The following COL6A1 variants were observed in gnomAD, a reference collection of about 807,000 sequenced individuals.
COL6A1 encodes collagen alpha-1(VI) chain.
Under a neutral mutation model 145.6 loss-of-function variants are expected in COL6A1, and 80 were observed. That is an observed-to-expected ratio of 0.55 (90% CI 0.46 to 0.66). COL6A1 has a LOEUF of 0.66. COL6A1 is among the 30% of genes least tolerant of loss of function. The pLI, the probability that COL6A1 is intolerant of heterozygous loss-of-function variation, is 0.00. For synonymous variants in COL6A1, 638 were observed against 622.8 expected (o/e 1.02, Z -0.36); for missense variants, 1,364 against 1,473.8 (o/e 0.93, Z 1.22).
chr21:45,987,749 G>A (rs1190004771), intron 8 of COL6A1, 95 bp downstream of exon 8: 1 of 1,378,384 alleles, frequency 7.3e-7, no homozygotes, highest in African/African-American at 1.4e-5. Context: ...CCACCATGAG[G>A]ATCCAGAGGG....
At chr21:45,986,750 GCAGC>G in intron 4 of COL6A1, 65 bp downstream of exon 4, 3 of 1,530,040 alleles carry the variant, frequency 2.0e-6, no homozygotes, top group Non-Finnish European at 2.6e-6. Context: ...AAGGCCCCCG[GCAGC>G]TGGGACCGTC....
At position 45,990,232 on chromosome 21, in the gene COL6A1, C is replaced by G. The variant is rs373930345; in HGVS notation, c.931-26C>G. The stretch of plus-strand genomic sequence containing the variant: ...CTGCCCTCCCCACCCCAAATACCCC[C>G]TCACACCCGCTTCCTGTCTCCGCAG... On this transcript the variant is annotated intron_variant, in intron 11 of 34. Coordinates refer to ENST00000361866, the MANE Select transcript of COL6A1 (RefSeq NM_001848.3). 5.0e-6 allele frequency: 8 copies of G among 1,612,842 alleles called. No homozygotes were observed. The South Asian group carries it at 8.8e-5, about 18-fold the overall frequency.
chr21:45,997,483 G>A lies in COL6A1; in HGVS notation c.1461G>A (p.Glu487=), dbSNP rs1474176856. Residue 487 remains glutamate, a splice_region_variant and synonymous_variant, in exon 21 of 35, where the codon GAG becomes GAA. Transcript: ENST00000361866. ...YRGDEGPPGS[E]GARGAPGPAG... is the part of the protein sequence containing the mutation. ...GCGATGAGGGTCCCCCAGGGTCCGA[G>A]GTGAGTCCCACTCCCCACCCACACC... 6 of 1,608,184 alleles carry A rather than the reference G, an allele frequency of 3.7e-6. No individual in the cohort carries two copies. In the African/African-American group the frequency reaches 6.8e-5, roughly 18 times the overall value.
At chr21:45,989,503 C>T (rs933430235) in intron 9 of COL6A1, 105 bp from the exon 10 acceptor site, 26 of 1,209,010 alleles carry the variant, frequency 2.2e-5, no homozygotes, top group East Asian at 1.6e-4. Context: ...GCCCCTCTCT[C>T]GGCCTGACCA....
chr21:46,002,588 T>G lies in COL6A1; in HGVS notation c.2312T>G (p.Val771Gly), dbSNP rs139135164. Residue 771 changes from valine to glycine, a missense_variant, in exon 33 of 35, where the codon GTC (valine) becomes GGC (glycine). Val to Gly is a moderately radical substitution (Grantham distance 109). Around this residue, in one of 3 missense-constraint regions of COL6A1, gnomAD observed 938 missense variants for 1,003.8 expected, o/e 0.93. Transcript: ENST00000361866. Reference sequence around the variant, plus strand: ...ATCCCAGGCTCAGACCAGCTCAATGTCATTTCTTGCCAAGGCCTGGCACCA... The same window carrying G: ...ATCCCAGGCTCAGACCAGCTCAATGGCATTTCTTGCCAAGGCCTGGCACCA... ...DFIPGSDQLN[V>G]ISCQGLAPSQ... The G allele has an allele frequency of 1.2e-6, 2 of 1,613,998 alleles. No individual in the cohort carries two copies. The highest frequency in any genetic ancestry group is 1.3e-5 in the African/African-American group (1 of 74,936).
At position 46,004,359 on chromosome 21, in the gene COL6A1, C is replaced by A. The variant is rs1318037686; in HGVS notation, c.*346C>A. 3 of 408,822 alleles carry A rather than the reference C, an allele frequency of 7.3e-6. No homozygotes were observed. Among genetic ancestry groups the A allele is most frequent in the African/African-American group, 2.0e-5 (1 of 48,862 alleles). 25.3% of individuals were successfully genotyped at this position (408,822 alleles called of 1,614,324 possible). On this transcript the variant is annotated 3_prime_UTR_variant, in exon 35 of 35. Coordinates refer to ENST00000361866, the MANE Select transcript of COL6A1 (RefSeq NM_001848.3). The stretch of plus-strand genomic sequence containing the variant: ...CCTCACCTGGGTTCCCCACCCCGGG[C>A]TCTCCTGCCCTGCCCTCCTGCCCGC...
In COL6A1 at chr21:45,990,230, C is replaced by T. The variant is rs753113620; in HGVS notation, c.931-28C>T. On this transcript the variant is annotated intron_variant, in intron 11 of 34. Coordinates refer to ENST00000361866, the MANE Select transcript of COL6A1 (RefSeq NM_001848.3). ...CCCTGCCCTCCCCACCCCAAATACC[C>T]CCTCACACCCGCTTCCTGTCTCCGC... 3 of 1,612,688 alleles carry T rather than the reference C, an allele frequency of 1.9e-6. No homozygotes were observed. In the East Asian group the frequency reaches 6.7e-5, roughly 36 times the overall value.
rs746838395 is a variant in COL6A1 at position 46,003,107 on chromosome 21, T to C, written c.2435-13T>C. On this transcript the variant is annotated splice_polypyrimidine_tract_variant and intron_variant, in intron 33 of 34. Coordinates refer to ENST00000361866, the MANE Select transcript of COL6A1 (RefSeq NM_001848.3). ...GCAGTGGGCTCACACTGCACGGCTTTTCTCTTTTACAGACAAGAAGTGTCC... is the reference window on the plus strand; with the variant it reads ...GCAGTGGGCTCACACTGCACGGCTTCTCTCTTTTACAGACAAGAAGTGTCC... 5.0e-6 allele frequency: 8 copies of C among 1,614,082 alleles called. No individual in the cohort carries two copies. Among genetic ancestry groups the C allele is most frequent in the Non-Finnish European group, 6.8e-6 (8 of 1,179,952 alleles).
chr21:45,981,825 C>G lies in COL6A1; in HGVS notation c.-26C>G, dbSNP rs374841960. 3.2e-5 allele frequency: 49 copies of G among 1,547,474 alleles called. No homozygotes were observed. Among genetic ancestry groups the G allele is most frequent in the Non-Finnish European group, 3.8e-5 (44 of 1,144,784 alleles). On this transcript the variant is annotated 5_prime_UTR_variant, in exon 1 of 35. Transcript: ENST00000361866. ...GGCGGCCCACTCTGCCCTGGCCGCG[C>G]TGTGTGGTGACCGCAGGCCCCAGAC...
At chr21:45,984,524 T>C in intron 3 of COL6A1, 55 bp downstream of exon 3, 1 of 1,557,594 alleles carries the variant, frequency 6.4e-7, no homozygotes, top group Non-Finnish European at 8.8e-7. Flanking sequence ...GTACCCAGCC[T>C]GGGCTGGGGT....
Position 45,995,276 on chromosome 21 carries a change from G to C in COL6A1, c.1398+1047G>C, listed in dbSNP as rs556017835. Among the ~76,000 whole-genome samples, 363 of 152,374 alleles carry C rather than the reference G, an allele frequency of 2.4e-3. 4 individuals are homozygous for C. The highest frequency in any genetic ancestry group is 4.6e-3 in the Non-Finnish European group (313 of 68,040). ...CCGACACCTTCCTGGGGAAGTGCAC[G>C]GCCTCAGTCTCTGATCCTCTTTGCT... On this transcript the variant is annotated intron_variant, in intron 20 of 34. Coordinates refer to ENST00000361866, the MANE Select transcript of COL6A1 (RefSeq NM_001848.3).
Position 46,001,281 on chromosome 21 carries a change from G to C in COL6A1, c.1851G>C (p.Leu617=). The C allele has an allele frequency of 6.2e-7, 1 of 1,611,292 alleles. No homozygotes were observed. Among genetic ancestry groups the C allele is most frequent in the Non-Finnish European group, 8.5e-7 (1 of 1,179,770 alleles). The change falls in exon 30 of 35, where the codon CTG becomes CTC. Residue 617 remains leucine (L), a synonymous_variant. Coordinates refer to ENST00000361866, the MANE Select transcript of COL6A1 (RefSeq NM_001848.3). ...CECKCGPIDL[L]FVLDSSESIG... The stretch of plus-strand genomic sequence containing the variant: ...GCAAGTGCGGCCCCATCGACCTCCT[G>C]TTCGTGCTGGACAGCTCAGAGAGCA...
In COL6A1 at chr21:45,999,256, T is replaced by C. The variant is rs773336910; in HGVS notation, c.1740+38T>C. 5.8e-6 allele frequency: 9 copies of C among 1,542,092 alleles called. No individual in the cohort carries two copies. The South Asian group carries it at 1.1e-4, about 18-fold the overall frequency. On this transcript the variant is annotated intron_variant, in intron 26 of 34. Coordinates refer to ENST00000361866, the MANE Select transcript of COL6A1 (RefSeq NM_001848.3). Reference sequence around the variant, plus strand: ...GGCTGGGTGAGGCCACGGTGGGCTGTGCCTGGGACGCCGGATGCTGGGGCT... The same window carrying C: ...GGCTGGGTGAGGCCACGGTGGGCTGCGCCTGGGACGCCGGATGCTGGGGCT...
intron 2 of COL6A1, among the ~76,000 whole-genome samples, chr21:45,983,274 C>G (rs533643738): frequency 6.6e-6 from 1 of 152,278 alleles, no homozygotes; most frequent in African/African-American, 2.4e-5. Flanking sequence ...CCAGGGCCCC[C>G]AGGCTTGGTT....
At position 46,001,275 on chromosome 21, in the gene COL6A1, C is replaced by T; in HGVS notation, c.1845C>T (p.Asp615=). The T allele has an allele frequency of 6.2e-7, 1 of 1,610,774 alleles. No homozygotes were observed. The highest frequency in any genetic ancestry group is 8.5e-7 in the Non-Finnish European group (1 of 1,179,722). ...CAGAATGCAAGTGCGGCCCCATCGACCTCCTGTTCGTGCTGGACAGCTCAG... is the reference window on the plus strand; with the variant it reads ...CAGAATGCAAGTGCGGCCCCATCGATCTCCTGTTCGTGCTGGACAGCTCAG... ...SCCECKCGPI[D]LLFVLDSSES... is the part of the protein sequence containing the mutation. The change falls in exon 30 of 35, where the codon GAC becomes GAT. Residue 615 remains aspartate (D), a synonymous_variant. Coordinates refer to ENST00000361866, the MANE Select transcript of COL6A1 (RefSeq NM_001848.3).
rs1048117283 is a variant in COL6A1, at chr21:45,998,560, C to A, written c.1611+127C>A. ...AACACACGGGGTACACAGGCACCCA[C>A]GGCTGCCCCACTGTCTGTGGCCACA... On this transcript the variant is annotated intron_variant, in intron 24 of 34. Coordinates refer to ENST00000361866, the MANE Select transcript of COL6A1 (RefSeq NM_001848.3). 3 of 1,288,618 alleles carry A rather than the reference C, an allele frequency of 2.3e-6. No homozygotes were observed. The East Asian group carries it at 7.2e-5, about 31-fold the overall frequency. The allele number at this position is 1,288,618 out of a possible 1,614,324, so 79.8% of individuals were successfully genotyped here. A position where few individuals can be genotyped will look rare whatever the true frequency, so the allele number is the denominator to read the frequency against.
chr21:45,991,138 G>A, intron 15 of COL6A1, 97 bp downstream of exon 15: 1 of 1,389,402 alleles, frequency 7.2e-7, no homozygotes, highest in South Asian at 1.2e-5. Flanking sequence ...GTCCGAGCAT[G>A]TCGGCCACCC....
chr21:45,999,799 G>GC lies in COL6A1; in HGVS notation c.1776+107_1776+108insC. On this transcript the variant is annotated intron_variant, in intron 27 of 34. Coordinates refer to ENST00000361866, the MANE Select transcript of COL6A1 (RefSeq NM_001848.3). ...TCCTGTAGACGCTGCTCACGGGGGGGTGGGTTGTGGACAAAGAGCTGGTGC... is the reference window on the plus strand; with the variant it reads ...TCCTGTAGACGCTGCTCACGGGGGGGCTGGGTTGTGGACAAAGAGCTGGTGC... The GC allele has an allele frequency of 3.2e-6, 3 of 928,826 alleles. No homozygotes were observed. In the Middle Eastern group the frequency reaches 6.6e-4, roughly 205 times the overall value. The allele number at this position is 928,826 out of a possible 1,614,324, so 57.5% of individuals were successfully genotyped here. A position where few individuals can be genotyped will look rare whatever the true frequency, so the allele number is the denominator to read the frequency against.
In COL6A1 at chr21:45,983,474, C is replaced by A. The variant is rs575499106; in HGVS notation, c.227+711C>A. On this transcript the variant is annotated intron_variant, in intron 2 of 34. Coordinates refer to ENST00000361866, the MANE Select transcript of COL6A1 (RefSeq NM_001848.3). The stretch of plus-strand genomic sequence containing the variant: ...GACACAGCTTAGCCGGCGTAGGAAC[C>A]CCCGTCCTCCTTGACCCTGCTGACT... Among the ~76,000 whole-genome samples the A allele has an allele frequency of 7.4e-4, 113 of 152,254 alleles. 1 individual carries two copies. Among genetic ancestry groups the A allele is most frequent in the African/African-American group, 2.5e-3 (104 of 41,550 alleles).
Sources: allele counts gnomAD v4.1 joint callset (sites outside exome capture counted in the v4.1 genomes callset), GRCh38; gene constraint gnomAD v4.1.1; regional missense constraint gnomAD v4.1.1; transcripts MANE v1.5; gene names NCBI Gene and HGNC (gene_info 2026-07-23, HGNC 2026-07-21).